The following CDKL5 variants were observed in gnomAD, a reference collection of about 807,000 sequenced individuals.
The protein encoded by CDKL5 is cyclin dependent kinase like 5.
Under a neutral mutation model 61.7 loss-of-function variants are expected in CDKL5, and 8 were observed. The observed-to-expected ratio is 0.13, with a 90% CI of 0.08 to 0.23. The LOEUF is 0.23. CDKL5 is among the 10% of genes least tolerant of loss of function. CDKL5 has a pLI of 1.00. For missense variants in CDKL5, 440 were observed against 734.5 expected, an observed-to-expected ratio of 0.60 and a Z score of 4.63; for synonymous variants, 275 against 272.3, an observed-to-expected ratio of 1.01 and a Z score of -0.10.
At chrX:18,453,855 A>C (rs1010694164) in intron 1 of CDKL5, among the ~76,000 whole-genome samples, 1 of 112,315 alleles carries the variant, frequency 8.9e-6, no homozygotes, top group African/African-American at 3.2e-5. Flanking sequence ...TCTTTGTAAG[A>C]TCTAACTCTG....
Position 18,630,130 on chromosome X carries a change from A to G in CDKL5, c.*1373A>G, listed in dbSNP as rs1176982277. On this transcript the variant is annotated 3_prime_UTR_variant, in exon 18 of 18. Transcript: ENST00000623535. ...TTCCAGATAGATAAAAAATTACTCT[A>G]TCCATTTTTTTCTTCCTGGGGCTGT... The G allele has an allele frequency of 1.3e-6, 1 of 751,547 alleles. No individual in the cohort carries two copies. Among genetic ancestry groups the G allele is most frequent in the Admixed American group, 8.9e-5 (1 of 11,274 alleles). 61.9% of individuals were successfully genotyped at this position (751,547 alleles called of 1,213,427 possible). A position where few individuals can be genotyped will look rare whatever the true frequency, so the allele number is the denominator to read the frequency against.
intron 21 of CDKL5, among the ~76,000 whole-genome samples, chrX:18,652,838 T>A (rs1279277319): frequency 8.9e-6 from 1 of 112,615 alleles, no homozygotes; most frequent in Non-Finnish European, 1.9e-5. Context: ...TTCTGAGCCA[T>A]GATGTGATCA....
chrX:18,506,871 G>C, intron 1 of CDKL5, 64 bp from the exon 2 acceptor site: 1 of 379,937 alleles, frequency 2.6e-6, no homozygotes, highest in East Asian at 4.2e-5. Flanking sequence ...AAAAAGGTAA[G>C]ATTGGTTACT....
At chrX:18,592,365 T>C (rs767221211) in intron 9 of CDKL5, among the ~76,000 whole-genome samples, 1 of 112,506 alleles carries the variant, frequency 8.9e-6, no homozygotes, top group South Asian at 3.7e-4. Context: ...GAAATCATCA[T>C]TGGGGATTCA....
chrX:18,504,325 C>T (rs1039164883), intron 1 of CDKL5, among the ~76,000 whole-genome samples: 1 of 110,931 alleles, frequency 9.0e-6, no homozygotes, highest in Non-Finnish European at 1.9e-5. Context: ...AGGCTGGTCT[C>T]TAATTCCTGG....
Position 18,480,375 on chromosome X carries a change from G to A in CDKL5, c.-162-26560G>A, listed in dbSNP as rs151194293. ...AGTAAAGTGTCATTTTCATCACATC[G>A]TATCAAAGGGACATACTATCAACAT... On this transcript the variant is annotated intron_variant, in intron 1 of 17. Transcript: ENST00000623535. 4.5e-5 allele frequency among the ~76,000 whole-genome samples: 5 copies of A among 111,950 alleles called. No individual in the cohort carries two copies. In the East Asian group the frequency reaches 1.1e-3, roughly 25 times the overall value.
chrX:18,641,916 C>A, downstream of CDKL5: 1 of 1,032,730 alleles, frequency 9.7e-7, no homozygotes, highest in Non-Finnish European at 1.4e-6. Context: ...GAAATATAGC[C>A]CTGTCCATCT....
intron 9 of CDKL5, chrX:18,589,653 G>A (rs1925763681): frequency 1.8e-5 from 2 of 111,595 alleles, no homozygotes; most frequent in South Asian, 7.5e-4. Context: ...TATATACCTG[G>A]TAATGGGATG....
Position 18,630,597 on chromosome X carries a change from T to C in CDKL5, c.*1840T>C. On this transcript the variant is annotated 3_prime_UTR_variant, in exon 18 of 18. Transcript: ENST00000623535. Reference sequence around the variant, plus strand: ...CTAAGGTCCTAGTTTCCCTGAAGCTTAAATTGTGCACATATTGCATTTTTA... The same window carrying C: ...CTAAGGTCCTAGTTTCCCTGAAGCTCAAATTGTGCACATATTGCATTTTTA... The C allele has an allele frequency of 1.3e-6, 1 of 747,493 alleles. No individual in the cohort carries two copies. The allele number at this position is 747,493 out of a possible 1,213,427, so 61.6% of individuals were successfully genotyped here. A position where few individuals can be genotyped will look rare whatever the true frequency, so the allele number is the denominator to read the frequency against.
At position 18,481,320 on chromosome X, in the gene CDKL5, GTTTCTTTCTTTCTTTCTTTCTTTC is replaced by G. The variant is rs201816691; in HGVS notation, c.-162-25587_-162-25564del. 5.1e-4 allele frequency among the ~76,000 whole-genome samples: 43 copies of G among 84,688 alleles called. No homozygotes were observed. The South Asian group carries it at 0.015, about 29-fold the overall frequency. The allele number at this position is 84,688 out of a possible 115,157, so 73.5% of individuals were successfully genotyped here. A position where few individuals can be genotyped will look rare whatever the true frequency, so the allele number is the denominator to read the frequency against. Reference sequence around the variant, plus strand: ...TCAGCCATTTCACCAAAGAGTCCTGGTTTCTTTCTTTCTTTCTTTCTTTCTTTCTTTCTTTCTTTCTTTCTTTCT... The same window carrying G: ...TCAGCCATTTCACCAAAGAGTCCTGGTTTCTTTCTTTCTTTCTTTCTTTCT... On this transcript the variant is annotated intron_variant, in intron 1 of 17. Transcript: ENST00000623535.
At position 18,604,358 on chromosome X, in the gene CDKL5, G is replaced by A. The variant is rs1462994931; in HGVS notation, c.1434G>A (p.Arg478=). The part of the protein sequence containing the change: ...SYIDTIPQSS[R]SPSYRTKAKS... The stretch of plus-strand genomic sequence containing the variant: ...TTGACACAATTCCCCAGTCCTCTAG[G>A]AGTCCCTCCTACAGGACCAAGGCCA... Residue 478 remains arginine, a synonymous_variant, in exon 12 of 18, where the codon AGG becomes AGA. Coordinates refer to ENST00000623535, the MANE Select transcript of CDKL5 (RefSeq NM_001323289.2). The A allele has an allele frequency of 8.3e-7, 1 of 1,209,171 alleles. No individual in the cohort carries two copies. The highest frequency in any genetic ancestry group is 2.2e-5 in the Admixed American group (1 of 45,881).
chrX:18,436,797 A>C (rs1207975372), intron 1 of CDKL5, among the ~76,000 whole-genome samples: 5 of 103,062 alleles, frequency 4.9e-5, no homozygotes, highest in Non-Finnish European at 9.8e-5. Context: ...ACTCCCAGAG[A>C]GTAAGCTGGG....
At chrX:18,587,171 G>C (rs1035786662) in intron 8 of CDKL5, among the ~76,000 whole-genome samples, 3 of 111,095 alleles carry the variant, frequency 2.7e-5, no homozygotes, top group African/African-American at 9.8e-5. Context: ...ACGCGTGTGT[G>C]TGTGGTTTCT....
intron 1 of CDKL5, among the ~76,000 whole-genome samples, chrX:18,452,861 C>T (rs1431644705): frequency 1.9e-5 from 1 of 53,059 alleles, no homozygotes; most frequent in South Asian, 1.5e-3. Flanking sequence ...GACTGTGTCT[C>T]GCTCTGTCAC....
chrX:18,629,903 C>T lies in CDKL5; in HGVS notation c.*1146C>T. 1 of 753,114 alleles carries T rather than the reference C, an allele frequency of 1.3e-6. No individual in the cohort carries two copies. Among genetic ancestry groups the T allele is most frequent in the Non-Finnish European group, 1.6e-6 (1 of 638,794 alleles). The allele number at this position is 753,114 out of a possible 1,213,427, so 62.1% of individuals were successfully genotyped here. The stretch of plus-strand genomic sequence containing the variant: ...TGTAGAGCGTAGACCAAAGATTTGC[C>T]AGTGAACATTCCTTGTTGTGAGATC... On this transcript the variant is annotated 3_prime_UTR_variant, in exon 18 of 18. Coordinates refer to ENST00000623535, the MANE Select transcript of CDKL5 (RefSeq NM_001323289.2).
chrX:18,626,581 A>C (rs908867483), intron 17 of CDKL5, among the ~76,000 whole-genome samples: 1 of 108,169 alleles, frequency 9.2e-6, no homozygotes, highest in Non-Finnish European at 1.9e-5. Context: ...CTGCTTCTCT[A>C]TTCCCAATTT....
At chrX:18,572,795 A>T (rs1015210560) in intron 4 of CDKL5, among the ~76,000 whole-genome samples, 9 of 112,141 alleles carry the variant, frequency 8.0e-5, no homozygotes, top group African/African-American at 2.9e-4. Flanking sequence ...TGTGTCAGGT[A>T]CAGTCCTGGT....
downstream of CDKL5, among the ~76,000 whole-genome samples, chrX:18,642,588 C>T (rs1480997727): frequency 8.9e-6 from 1 of 111,982 alleles, no homozygotes; most frequent in Non-Finnish European, 1.9e-5. Context: ...TTTGAAAAGG[C>T]CCACATCACA....
intron 20 of CDKL5, among the ~76,000 whole-genome samples, chrX:18,646,677 G>C (rs189858326): frequency 9.0e-6 from 1 of 111,171 alleles, no homozygotes; most frequent in Admixed American, 9.5e-5. Context: ...TGTGCTTCAG[G>C]CTTGCTGCCC....
Sources: gnomAD v4.1 joint callset for allele counts (sites outside exome capture counted in the v4.1 genomes callset) on GRCh38, gnomAD v4.1.1 for gene constraint, MANE v1.5 for transcripts, NCBI Gene and HGNC (gene_info 2026-07-23, HGNC 2026-07-21) for gene names.